Variants in ARHGAP9 observed in about 807,000 individuals in gnomAD.
ARHGAP9 encodes Rho GTPase activating protein 9.
A neutral mutation model predicts 87.3 loss-of-function variants in ARHGAP9; 76 were observed. The observed-to-expected ratio is 0.87, with a 90% CI of 0.72 to 1.05. The LOEUF (loss-of-function observed/expected upper bound fraction) is 1.05, where lower values mean the gene tolerates loss of function less well. Among genes scored for constraint, ARHGAP9 ranks in the 50% least tolerant of loss-of-function variants. The pLI is 0.00. For synonymous variants in ARHGAP9, 382 were observed against 394.9 expected (o/e 0.97, Z 0.39); for missense variants, 941 against 960.5 (o/e 0.98, Z 0.27).
intron 17 of ARHGAP9, among the ~76,000 whole-genome samples, chr12:57,472,968 C>T (rs1565607172): frequency 1.3e-5 from 2 of 152,194 alleles, no homozygotes; most frequent in Admixed American, 6.5e-5. Context: ...TGGCCATCCT[C>T]TCTCAGAAGT....
chr12:57,480,874 C>T, upstream of ARHGAP9: 2 of 1,529,554 alleles, frequency 1.3e-6, no homozygotes, highest in South Asian at 1.2e-5. Flanking sequence ...AGCGAATGAC[C>T]CTCCCCACTG....
chr12:57,484,779 G>A (rs1875275764), upstream of ARHGAP9, among the ~76,000 whole-genome samples: 1 of 151,956 alleles, frequency 6.6e-6, no homozygotes, highest in Admixed American at 6.6e-5. Flanking sequence ...CAAGTAGCTG[G>A]GATTACAGGC....
In ARHGAP9 at chr12:57,479,211, G is replaced by T. The variant is rs367755619; in HGVS notation, c.196C>A (p.Arg66Ser). The T allele has an allele frequency of 6.2e-7, 1 of 1,614,218 alleles. No individual in the cohort carries two copies. Among genetic ancestry groups the T allele is most frequent in the Non-Finnish European group, 8.5e-7 (1 of 1,180,036 alleles). ...CGAGAGGTGGAGGGAGCTTCTAGGC[G>T]TCTTGCCAACCACCAGTCGGAGTTG... Reference protein sequence around the residue: ...KTNSDWWLARRLEAPSTSRPI... With the variant: ...KTNSDWWLARSLEAPSTSRPI... Residue 66 changes from arginine to serine, a missense_variant, in exon 2 of 18, where the codon CGC becomes AGC. Transcript: ENST00000393791.
intron 12 of ARHGAP9, 36 bp downstream of exon 12, chr12:57,475,255 G>A: frequency 1.3e-6 from 2 of 1,544,944 alleles, no homozygotes; most frequent in Non-Finnish European, 1.8e-6. Flanking sequence ...CCTCGCTGGA[G>A]TTTTCTTATC....
At chr12:57,472,752 T>G in intron 17 of ARHGAP9, 64 bp from the exon 18 acceptor site, 1 of 1,551,534 alleles carries the variant, frequency 6.4e-7, no homozygotes, top group South Asian at 1.1e-5. Context: ...GCAATCTAAC[T>G]AACCCTTCAA....
chr12:57,488,192 C>G, intron 1 of ARHGAP9: 1 of 1,611,350 alleles, frequency 6.2e-7, no homozygotes, highest in East Asian at 2.2e-5. Context: ...GCACTGTAGG[C>G]CCGGAAGGTA....
rs12820256 is a variant in ARHGAP9 at position 57,475,036 on chromosome 12, A to G, written c.1553-63T>C. On this transcript the variant is annotated intron_variant, in intron 12 of 17. Transcript: ENST00000393791. Reference sequence around the variant, plus strand: ...GTCACTCACAGGAGCTCTTCTCAGCATAGGTCTTTATCCTTAAGTGAGGCT... The same window carrying G: ...GTCACTCACAGGAGCTCTTCTCAGCGTAGGTCTTTATCCTTAAGTGAGGCT... 2.6e-6 allele frequency: 4 copies of G among 1,527,432 alleles called. No homozygotes were observed. In the South Asian group the frequency reaches 4.5e-5, roughly 17 times the overall value. The allele number at this position is 1,527,432 out of a possible 1,614,324, so 94.6% of individuals were successfully genotyped here.
In ARHGAP9 at chr12:57,474,123, C is replaced by T. The variant is rs375878853; in HGVS notation, c.1837G>A (p.Gly613Arg). ...TEWDDIHVVT[G>R]ALKLFLRELP... ...TCCCGGAGAAAAAGCTTCAGGGCTC[C>T]GGTGACCACATGAATGTCATCCCAC... Residue 613 changes from glycine (G) to arginine (R), a missense_variant, in exon 16 of 18, where the codon GGA (glycine) becomes AGA (arginine). Coordinates refer to ENST00000393791, the MANE Select transcript of ARHGAP9 (RefSeq NM_032496.4). 9.9e-6 allele frequency: 16 copies of T among 1,614,062 alleles called. No individual in the cohort carries two copies. The highest frequency in any genetic ancestry group is 2.7e-5 in the African/African-American group (2 of 74,920).
intron 1 of ARHGAP9, among the ~76,000 whole-genome samples, chr12:57,485,454 G>A (rs1362220691): frequency 1.3e-5 from 2 of 150,996 alleles, no homozygotes; most frequent in African/African-American, 2.4e-5. Flanking sequence ...TACTAGGGAG[G>A]CTGAGGCAGG....
At chr12:57,478,097 G>A in intron 3 of ARHGAP9, 3 of 525,256 alleles carry the variant, frequency 5.7e-6, no homozygotes, top group Middle Eastern at 1.6e-3. Context: ...GGGAAGGGCT[G>A]GGCAAGTCAC....
chr12:57,480,264 T>A (rs1874878327), upstream of ARHGAP9: 1 of 356,728 alleles, frequency 2.8e-6, no homozygotes, highest in African/African-American at 2.2e-5. Flanking sequence ...TCACTGCAAC[T>A]TCCGCCCCCC....
chr12:57,483,827 G>T, upstream of ARHGAP9: 2 of 434,756 alleles, frequency 4.6e-6, no homozygotes, highest in South Asian at 3.3e-5. Context: ...ATCACTTGAG[G>T]TCAGGAGTTT....
intron 12 of ARHGAP9, 86 bp from the exon 13 acceptor site, chr12:57,475,059 G>T: frequency 7.1e-7 from 1 of 1,407,418 alleles, no homozygotes; most frequent in Non-Finnish European, 9.8e-7. Context: ...CTTAAGTGAG[G>T]CTGGTCCTCC....
In ARHGAP9 at chr12:57,474,962, C is replaced by T. The variant is rs772944068; in HGVS notation, c.1564G>A (p.Gly522Ser). 3.1e-6 allele frequency: 5 copies of T among 1,613,806 alleles called. No homozygotes were observed. Among genetic ancestry groups the T allele is most frequent in the South Asian group, 1.1e-5 (1 of 91,074 alleles). Residue 522 changes from glycine to serine, a missense_variant, in exon 13 of 18, where the codon GGC becomes AGC. Coordinates refer to ENST00000393791, the MANE Select transcript of ARHGAP9 (RefSeq NM_032496.4). The stretch of plus-strand genomic sequence containing the variant: ...TGGCAGAGTGATTCCAACTGGCAGC[C>T]GAACACCTGGTCTGGGGAAGTAGAG... ...ERGLLRDQVF[G>S]CQLESLCQRE...
intron 17 of ARHGAP9, 72 bp from the exon 18 acceptor site, chr12:57,472,760 C>A: frequency 6.6e-7 from 1 of 1,522,544 alleles, no homozygotes; most frequent in Non-Finnish European, 9.1e-7. Flanking sequence ...ACTAACCCTT[C>A]AAAGTTCTGA....
chr12:57,488,052 G>A, intron 1 of ARHGAP9: 1 of 1,569,348 alleles, frequency 6.4e-7, no homozygotes, highest in Non-Finnish European at 8.8e-7. Flanking sequence ...AGAAGCGGGA[G>A]GCCGGTTCCG....
At chr12:57,475,747 CA>C (rs3216740) in intron 10 of ARHGAP9, 85 bp downstream of exon 10, 1,012,321 of 1,554,958 alleles carry the variant, frequency 0.65, 335,331 homozygotes, top group Middle Eastern at 0.75. Flanking sequence ...ACCCTGCCCC[CA>C]ACTGCTCCTG....
chr12:57,477,770 C>A lies in ARHGAP9; in HGVS notation c.535-90G>T, dbSNP rs555922281. 68 of 1,552,972 alleles carry A rather than the reference C, an allele frequency of 4.4e-5. 2 individuals carry two copies. The Middle Eastern group carries it at 1.0e-3, about 23-fold the overall frequency. On this transcript the variant is annotated intron_variant, in intron 3 of 17. Transcript: ENST00000393791. ...GCCTTCCCACCTCCTGCTCCCTCCC[C>A]CATTGTCTTCTCACCGCCAGCTCTG...
chr12:57,488,255 A>G (rs1875607448), intron 1 of ARHGAP9: 8 of 1,516,958 alleles, frequency 5.3e-6, no homozygotes, highest in Admixed American at 1.7e-5. Context: ...GAAACACGCC[A>G]GATTCTCTGC....
Sources: allele counts gnomAD v4.1 joint callset (sites outside exome capture counted in the v4.1 genomes callset), GRCh38; gene constraint gnomAD v4.1.1; transcripts MANE v1.5; gene names NCBI Gene and HGNC (gene_info 2026-07-23, HGNC 2026-07-21).